Variants in SEPSECS observed in about 807,000 individuals in gnomAD.
SEPSECS encodes Sep (O-phosphoserine) tRNA:Sec (selenocysteine) tRNA synthase.
SEPSECS carries 42 observed loss-of-function variants against 52.1 expected under a neutral mutation model. The ratio of observed to expected loss-of-function variants is 0.81; its 90% CI spans 0.63 to 1.04. The LOEUF is 1.04. Ranked by LOEUF, SEPSECS falls within the 50% of genes least tolerant of loss-of-function variation. The probability of loss-of-function intolerance (pLI) is 0.00; values close to 1 mark genes in which losing one functional copy is unlikely to be tolerated. For missense variants in SEPSECS, 590 were observed against 610.6 expected (o/e 0.97, Z 0.36); for synonymous variants, 216 against 211.4 (o/e 1.02, Z -0.19).
Position 25,124,128 on chromosome 4 carries a change from C to A in SEPSECS, c.1309G>T (p.Ala437Ser). 2 of 1,613,616 alleles carry A rather than the reference C, an allele frequency of 1.2e-6. No individual in the cohort carries two copies. The highest frequency in any genetic ancestry group is 1.7e-6 in the Non-Finnish European group (2 of 1,179,714). ...TGCATCTTCATTCCGATGGCTGATG[C>A]AGCATTGAGGTAAGCACAAGGGTAA... The part of the protein sequence containing the change: ...NNYPCAYLNA[A>S]SAIGMKMQDV... Residue 437 changes from alanine to serine, a missense_variant, in exon 11 of 11, where the codon GCA becomes TCA. Transcript: ENST00000382103.
intron 8 of SEPSECS, among the ~76,000 whole-genome samples, chr4:25,144,306 C>A (rs1311533201): frequency 4.2e-5 from 6 of 142,928 alleles, no homozygotes; most frequent in Non-Finnish European, 1.5e-5. Flanking sequence ...TGCCATTGCA[C>A]TCCAACCCAA....
chr4:25,121,266 GC>G lies in SEPSECS; in HGVS notation c.*2664del, dbSNP rs1161651748. ...AGTTTGATTTAAAATTCCCTTCCCT[GC>G]CATGTATAAGTAACACATTGTGTAG... On this transcript the variant is annotated 3_prime_UTR_variant, in exon 11 of 11. Transcript: ENST00000382103. 1 of 152,078 alleles carries G rather than the reference GC, an allele frequency of 6.6e-6. No individual in the cohort carries two copies. The highest frequency in any genetic ancestry group is 2.4e-5 in the African/African-American group (1 of 41,424). 9.4% of individuals were successfully genotyped at this position (152,078 alleles called of 1,614,324 possible).
intron 5 of SEPSECS, among the ~76,000 whole-genome samples, chr4:25,153,386 G>A (rs938281573): frequency 2.0e-5 from 3 of 151,364 alleles, no homozygotes; most frequent in African/African-American, 7.3e-5. Context: ...TAACTTGTGA[G>A]TAGTTTTAAA....
rs917470954 is a variant in SEPSECS at position 25,120,277 on chromosome 4, C to T, written c.*3654G>A. ...TTCTAGATTTTGCCTAAGGCCTTAG[C>T]TTTAACTGCAGAGTAGTGAGTAGGA... On this transcript the variant is annotated 3_prime_UTR_variant, in exon 11 of 11. Transcript: ENST00000382103. 1.3e-5 allele frequency: 2 copies of T among 152,092 alleles called. No individual in the cohort carries two copies. Among genetic ancestry groups the T allele is most frequent in the African/African-American group, 4.8e-5 (2 of 41,414 alleles). 9.4% of individuals were successfully genotyped at this position (152,092 alleles called of 1,614,324 possible).
At chr4:25,159,158 C>T (rs1712887406) in intron 1 of SEPSECS, 51 bp from the exon 2 acceptor site, 3 of 1,396,562 alleles carry the variant, frequency 2.1e-6, no homozygotes. Context: ...CTACCGTTCT[C>T]TAGAATACTA....
rs771751376 is a variant in SEPSECS, at chr4:25,124,055, A to C, written c.1382T>G (p.Val461Gly). The change falls in exon 11 of 11, where the codon GTA (valine) becomes GGA (glycine). Residue 461 changes from valine to glycine, a missense_variant. Transcript: ENST00000382103. The part of the protein sequence containing the change: ...IKRLDRCLKA[V>G]RKERSKESDD... ...ACTCTCTTTACTTCGTTCTTTTCTT[A>C]CTGCCTTTAAACACCTGTCAAGTCT... is the stretch of plus-strand genomic sequence containing the variant. 2.5e-6 allele frequency: 4 copies of C among 1,613,828 alleles called. No individual in the cohort carries two copies. In the South Asian group the frequency reaches 4.4e-5, roughly 18 times the overall value.
Position 25,156,058 on chromosome 4 carries a change from A to T in SEPSECS, c.526T>A (p.Phe176Ile). 6.2e-7 allele frequency: 1 copy of T among 1,613,992 alleles called. No individual in the cohort carries two copies. Among genetic ancestry groups the T allele is most frequent in the African/African-American group, 1.3e-5 (1 of 75,044 alleles). The change falls in exon 4 of 11, where the codon TTT becomes ATT. Residue 176 changes from phenylalanine to isoleucine, a missense_variant. Coordinates refer to ENST00000382103, the MANE Select transcript of SEPSECS (RefSeq NM_016955.4). ...IWPRIDQKSC[F>I]KSMITAGFEP... ...TTACCTGCAGTGATCATGGATTTAA[A>T]GCAGGACTTCTGGTCTATTCGTGGC... is the stretch of plus-strand genomic sequence containing the variant.
chr4:25,155,914 T>A (rs893225565), intron 4 of SEPSECS, 123 bp downstream of exon 4: 43 of 915,530 alleles, frequency 4.7e-5, no homozygotes, highest in Non-Finnish European at 7.2e-5. Flanking sequence ...ATTTTACAAT[T>A]TTTTCTTTTA....
chr4:25,123,840 T>C lies in SEPSECS; in HGVS notation c.*91A>G. 8.6e-7 allele frequency: 1 copy of C among 1,160,188 alleles called. No homozygotes were observed. The highest frequency in any genetic ancestry group is 1.2e-5 in the South Asian group (1 of 80,088). The allele number at this position is 1,160,188 out of a possible 1,614,324, so 71.9% of individuals were successfully genotyped here. ...CTGAATATTCCCATGAAATTCTCAA[T>C]TCAAAAATCTCAAGTCTTATCTTTA... On this transcript the variant is annotated 3_prime_UTR_variant, in exon 11 of 11. Transcript: ENST00000382103.
At chr4:25,142,699 T>C (rs558951311) in intron 8 of SEPSECS, among the ~76,000 whole-genome samples, 2 of 152,162 alleles carry the variant, frequency 1.3e-5, no homozygotes, top group African/African-American at 2.4e-5. Flanking sequence ...AGGGTAAAAA[T>C]GGGTATGAGG....
chr4:25,125,636 T>C, intron 10 of SEPSECS, 58 bp downstream of exon 10: 6 of 1,078,892 alleles, frequency 5.6e-6, no homozygotes, highest in African/African-American at 1.6e-5. Context: ...GAAAGGTATT[T>C]TACTGGAGTT....
chr4:25,155,126 A>AT lies in SEPSECS; in HGVS notation c.572dup (p.Asn191LysfsTer6), dbSNP rs1712545526. ...TACGCAGCTCGTCACCTTCCAAAACATTTTCTATCACCACAGGCTCAAAAC... is the reference window on the plus strand; with the variant it reads ...TACGCAGCTCGTCACCTTCCAAAACATTTTTCTATCACCACAGGCTCAAAAC... On this transcript the variant is annotated frameshift_variant, in exon 5 of 11. Coordinates refer to ENST00000382103, the MANE Select transcript of SEPSECS (RefSeq NM_016955.4). LOFTEE classifies it high-confidence loss of function. 1.2e-6 allele frequency: 2 copies of AT among 1,614,004 alleles called. No homozygotes were observed. The highest frequency in any genetic ancestry group is 2.7e-5 in the African/African-American group (2 of 74,910).
Position 25,124,047 on chromosome 4 carries a change from C to A in SEPSECS, c.1390G>T (p.Glu464Ter), listed in dbSNP as rs747732980. ...TTGTCATCACTCTCTTTACTTCGTTCTTTTCTTACTGCCTTTAAACACCTG... is the reference window on the plus strand; with the variant it reads ...TTGTCATCACTCTCTTTACTTCGTTATTTTCTTACTGCCTTTAAACACCTG... ...LDRCLKAVRK[E>*]RSKESDDNYD... The change falls in exon 11 of 11, where the codon GAA (glutamate) becomes TAA (stop). Residue 464 changes from glutamate (E) to a stop codon, truncating the protein, a stop_gained. Transcript: ENST00000382103. LOFTEE classifies it low-confidence loss of function (END_TRUNC). 11 of 1,613,676 alleles carry A rather than the reference C, an allele frequency of 6.8e-6. No individual in the cohort carries two copies. The highest frequency in any genetic ancestry group is 6.7e-5 in the Admixed American group (4 of 59,966).
chr4:25,159,161 G>A (rs894299611), intron 1 of SEPSECS, 54 bp from the exon 2 acceptor site: 35 of 1,376,050 alleles, frequency 2.5e-5, no homozygotes, highest in Non-Finnish European at 3.0e-5. Context: ...CCGTTCTCTA[G>A]AATACTACAG....
chr4:25,144,890 T>C (rs1222262595), intron 7 of SEPSECS, 25 bp from the exon 8 acceptor site: 1 of 1,597,006 alleles, frequency 6.3e-7, no homozygotes. Flanking sequence ...ATAAGTTACA[T>C]TAAGACTGTG....
intron 1 of SEPSECS, chr4:25,159,500 GCT>G: frequency 2.6e-6 from 1 of 382,460 alleles, no homozygotes; most frequent in Non-Finnish European, 5.2e-6. Flanking sequence ...ACGCGCTGTA[GCT>G]CACTCACGCC....
intron 8 of SEPSECS, among the ~76,000 whole-genome samples, chr4:25,138,214 C>T (rs959875317): frequency 1.3e-5 from 2 of 152,086 alleles, no homozygotes; most frequent in Non-Finnish European, 2.9e-5. Flanking sequence ...ACCCCAGAAC[C>T]TAAAATAATA....
At position 25,123,519 on chromosome 4, in the gene SEPSECS, C is replaced by T. The variant is rs1728219906; in HGVS notation, c.*412G>A. 4.9e-6 allele frequency: 1 copy of T among 204,694 alleles called. No homozygotes were observed. The highest frequency in any genetic ancestry group is 1.0e-5 in the Non-Finnish European group (1 of 99,140). 12.7% of individuals were successfully genotyped at this position (204,694 alleles called of 1,614,324 possible). ...GCACACTGTGACTTACACATCTCAA[C>T]AAACAACTAGTAACTAGTGGCCTAA... On this transcript the variant is annotated 3_prime_UTR_variant, in exon 11 of 11. Transcript: ENST00000382103.
intron 6 of SEPSECS, among the ~76,000 whole-genome samples, chr4:25,146,331 G>C (rs1350107543): frequency 6.6e-6 from 1 of 152,204 alleles, no homozygotes; most frequent in South Asian, 2.1e-4. Context: ...GGGAAGAGGA[G>C]CAGCTGCTCT....
Sources: allele counts gnomAD v4.1 joint callset (sites outside exome capture counted in the v4.1 genomes callset), GRCh38; gene constraint gnomAD v4.1.1; transcripts MANE v1.5; gene names NCBI Gene and HGNC (gene_info 2026-07-23, HGNC 2026-07-21).